Variants in DCLRE1C observed in about 807,000 individuals in gnomAD.
The protein encoded by DCLRE1C is protein artemis.
A neutral mutation model predicts 61.4 loss-of-function variants in DCLRE1C; 47 were observed. The observed-to-expected ratio is 0.77, with a 90% CI of 0.61 to 0.98. The LOEUF (loss-of-function observed/expected upper bound fraction) is 0.98. Among genes scored for constraint, DCLRE1C ranks in the 50% least tolerant of loss-of-function variants. DCLRE1C has a pLI of 0.00. For missense variants in DCLRE1C, 858 were observed against 816.0 expected (o/e 1.05, Z -0.63); for synonymous variants, 337 against 287.6 (o/e 1.17, Z -1.74).
chr10:14,908,679 G>C lies in DCLRE1C; in HGVS notation c.1808C>G (p.Ser603Cys). 6.2e-7 allele frequency: 1 copy of C among 1,614,208 alleles called. No individual in the cohort carries two copies. Among genetic ancestry groups the C allele is most frequent in the Non-Finnish European group, 8.5e-7 (1 of 1,180,044 alleles). Residue 603 changes from serine to cysteine, a missense_variant, in exon 14 of 14, where the codon TCT becomes TGT. Ser to Cys is a moderately radical substitution (Grantham distance 112, BLOSUM62 -1). This residue lies in a region of DCLRE1C where 843 missense variants were observed against 783.5 expected (regional missense o/e 1.08). Coordinates refer to ENST00000378278, the MANE Select transcript of DCLRE1C (RefSeq NM_001033855.3). ...QNVICPKDTY[S>C]DLKSRDKDVT... ...ATCTTTATCTCTGCTTTTCAAATCA[G>C]AGTAAGTATCCTTTGGGCAAATTAC...
In DCLRE1C at chr10:14,908,749, G is replaced by A. The variant is rs61755345; in HGVS notation, c.1738C>T (p.Pro580Ser). The change falls in exon 14 of 14, where the codon CCA becomes TCA. Residue 580 changes from proline to serine, a missense_variant. Physicochemically the swap from Pro to Ser is moderately conservative, Grantham distance 74 (BLOSUM62 -1). Around this residue, in one of 2 missense-constraint regions of DCLRE1C, gnomAD observed 843 missense variants for 783.5 expected, o/e 1.08. Transcript: ENST00000378278. ...GCAGGAATATTCTCTTTGATTGTTG[G>A]TCTGTAGTCAGCTTTGTCCAAGGAA... ...ITSLDKADYR[P>S]TIKENIPASL... The A allele has an allele frequency of 2.5e-6, 4 of 1,614,148 alleles. No homozygotes were observed. In the East Asian group the frequency reaches 6.7e-5, roughly 27 times the overall value.
At chr10:14,933,568 C>T (rs1259262704) in intron 8 of DCLRE1C, among the ~76,000 whole-genome samples, 3 of 151,806 alleles carry the variant, frequency 2.0e-5, no homozygotes, top group African/African-American at 7.3e-5. Context: ...ACCCAGGAGG[C>T]AGAGGTTGCA....
intron 4 of DCLRE1C, among the ~76,000 whole-genome samples, chr10:14,939,341 G>C (rs1840490929): frequency 6.6e-6 from 1 of 151,836 alleles, no homozygotes; most frequent in African/African-American, 2.4e-5. Flanking sequence ...CTACTAGAGA[G>C]GCTGAGGCAG....
Position 14,906,087 on chromosome 10 carries a change from T to A in DCLRE1C, c.*2321A>T, listed in dbSNP as rs972326880. 6.6e-6 allele frequency among the ~76,000 whole-genome samples: 1 copy of A among 152,244 alleles called. No individual in the cohort carries two copies. Among genetic ancestry groups the A allele is most frequent in the African/African-American group, 2.4e-5 (1 of 41,464 alleles). On this transcript the variant is annotated 3_prime_UTR_variant, in exon 14 of 14. Transcript: ENST00000378278. ...AACCCTGCTCATGTTTATACTTTTT[T>A]GGAGAGACATCAGAGCATAGCAGTT...
chr10:14,915,709 A>C (rs1836072486), intron 13 of DCLRE1C, among the ~76,000 whole-genome samples: 1 of 152,082 alleles, frequency 6.6e-6, no homozygotes, highest in African/African-American at 2.4e-5. Flanking sequence ...AAATTCTACC[A>C]GTCATTTAAG....
rs41297954 is a variant in DCLRE1C at position 14,932,706 on chromosome 10, A to G, written c.780+148T>C. ...GTGTGGTCATGGAATATGGCAATGT[A>G]CAGTTCCATGACCTTGAGCTAACAA... On this transcript the variant is annotated intron_variant, in intron 9 of 13. Coordinates refer to ENST00000378278, the MANE Select transcript of DCLRE1C (RefSeq NM_001033855.3). 257 of 861,322 alleles carry G rather than the reference A, an allele frequency of 3.0e-4. 1 individual carries two copies. Among genetic ancestry groups the G allele is most frequent in the Middle Eastern group, 6.5e-4 (3 of 4,642 alleles). 53.4% of individuals were successfully genotyped at this position (861,322 alleles called of 1,614,324 possible).
chr10:14,937,520 G>C (rs980332382), intron 4 of DCLRE1C, among the ~76,000 whole-genome samples: 1 of 152,054 alleles, frequency 6.6e-6, no homozygotes, highest in Non-Finnish European at 1.5e-5. Context: ...TTGACCTCAA[G>C]TGATACATCT....
chr10:14,922,966 C>A lies in DCLRE1C; in HGVS notation c.1061+15G>T. ...CCAAGGGGGACACCAAGTCCCACAA[C>A]CAGTGACTACTCACATTTCGACAAC... On this transcript the variant is annotated intron_variant, in intron 12 of 13. Transcript: ENST00000378278. The A allele has an allele frequency of 6.2e-7, 1 of 1,601,892 alleles. No homozygotes were observed. Among genetic ancestry groups the A allele is most frequent in the South Asian group, 1.1e-5 (1 of 90,810 alleles).
exon 14 of DCLRE1C, chr10:14,897,889 A>T (rs907872414): frequency 6.4e-6 from 1 of 155,876 alleles, no homozygotes; most frequent in South Asian, 2.1e-4. Flanking sequence ...TACTTCATCT[A>T]TTTGACCAAA....
Position 14,934,508 on chromosome 10 carries a change from T to A in DCLRE1C, c.550A>T (p.Ser184Cys), listed in dbSNP as rs373675907. The A allele has an allele frequency of 8.4e-5, 136 of 1,614,132 alleles. 1 individual carries two copies. The highest frequency in any genetic ancestry group is 5.1e-4 in the East Asian group (23 of 44,878). Residue 184 changes from serine to cysteine, a missense_variant, in exon 8 of 14, where the codon AGT becomes TGT. Ser to Cys is a moderately radical substitution (Grantham distance 112). Coordinates refer to ENST00000378278, the MANE Select transcript of DCLRE1C (RefSeq NM_001033855.3). ...YQIPSREECL[S>C]GVLELVRSWI... ...CTTCGGACCAGCTCTAAGACTCCAC[T>A]TAAACACTCCTCCTAGACAGGATTT...
chr10:14,912,360 G>A (rs1835399960), intron 13 of DCLRE1C, among the ~76,000 whole-genome samples: 1 of 152,074 alleles, frequency 6.6e-6, no homozygotes, highest in Admixed American at 6.5e-5. Context: ...CTGGCCTCCT[G>A]TTTAAGCTAC....
At chr10:14,914,216 A>G (rs1835782122) in intron 13 of DCLRE1C, among the ~76,000 whole-genome samples, 1 of 152,234 alleles carries the variant, frequency 6.6e-6, no homozygotes. Context: ...CATCAAGCCA[A>G]TATTAATGAG....
chr10:14,910,217 A>C (rs1304642892), intron 13 of DCLRE1C, among the ~76,000 whole-genome samples: 1 of 152,168 alleles, frequency 6.6e-6, no homozygotes, highest in East Asian at 1.9e-4. Flanking sequence ...GGGTGTGCCA[A>C]TACACACGAC....
intron 12 of DCLRE1C, chr10:14,920,230 C>T (rs1836873672): frequency 2.5e-6 from 1 of 401,770 alleles, no homozygotes; most frequent in African/African-American, 2.1e-5. Context: ...TAACTAGCTG[C>T]TTCTCCTGCC....
At chr10:14,939,402 C>T (rs1231582872) in intron 4 of DCLRE1C, among the ~76,000 whole-genome samples, 1 of 149,910 alleles carries the variant, frequency 6.7e-6, no homozygotes, top group Non-Finnish European at 1.5e-5. Flanking sequence ...CAAGATCACA[C>T]CACTGCACTC....
chr10:14,930,451 G>A (rs35800877), intron 9 of DCLRE1C, among the ~76,000 whole-genome samples: 23,444 of 150,350 alleles, frequency 0.16, 1,875 homozygotes, highest in Middle Eastern at 0.21. Context: ...TGTTTTTTTT[G>A]AGGCAGAGTC....
chr10:14,908,929 T>C lies in DCLRE1C; in HGVS notation c.1558A>G (p.Lys520Glu). ...TCTCCATCAGAGTCACTGAAAAGCT[T>C]TGGTGACTGAGATCCCCCTGCCACT... ...STVAGGSQSP[K>E]LFSDSDGEST... Residue 520 changes from lysine (K) to glutamate (E), a missense_variant, in exon 14 of 14, where the codon AAG (lysine) becomes GAG (glutamate). Coordinates refer to ENST00000378278, the MANE Select transcript of DCLRE1C (RefSeq NM_001033855.3). 6.2e-7 allele frequency: 1 copy of C among 1,614,186 alleles called. No homozygotes were observed. Among genetic ancestry groups the C allele is most frequent in the Non-Finnish European group, 8.5e-7 (1 of 1,180,038 alleles).
At chr10:14,946,842 T>C (rs1841771526) in intron 2 of DCLRE1C, among the ~76,000 whole-genome samples, 1 of 152,042 alleles carries the variant, frequency 6.6e-6, no homozygotes, top group African/African-American at 2.4e-5. Context: ...GGTTTCAAAC[T>C]CCTATGCTCA....
At chr10:14,926,737 T>G in intron 11 of DCLRE1C, 106 bp downstream of exon 11, 1 of 864,662 alleles carries the variant, frequency 1.2e-6, no homozygotes, top group Non-Finnish European at 1.9e-6. Context: ...GAAATGAAAC[T>G]TACATAGAAA....
Sources: gnomAD v4.1 joint callset for allele counts (sites outside exome capture counted in the v4.1 genomes callset) on GRCh38, gnomAD v4.1.1 for gene constraint, gnomAD v4.1.1 regional missense constraint, MANE v1.5 for transcripts, NCBI Gene and HGNC (gene_info 2026-07-23, HGNC 2026-07-21) for gene names.